EXD2: variants seen among roughly 807,000 people sequenced by gnomAD.
EXD2 encodes the protein exonuclease 3'-5' domain-containing protein 2.
EXD2 carries 40 observed loss-of-function variants against 62.5 expected under a neutral mutation model. The ratio of observed to expected loss-of-function variants is 0.64; its 90% CI spans 0.50 to 0.83. EXD2 has a LOEUF of 0.83. EXD2 is among the 40% of genes least tolerant of loss of function. The probability of loss-of-function intolerance (pLI) is 0.00; values close to 1 mark genes in which losing one functional copy is unlikely to be tolerated. For synonymous variants in EXD2, 239 were observed against 291.9 expected (o/e 0.82, Z 1.85); for missense variants, 671 against 761.8 (o/e 0.88, Z 1.40).
intron 4 of EXD2, among the ~76,000 whole-genome samples, chr14:69,230,180 C>T (rs1364430010): frequency 1.3e-5 from 2 of 152,172 alleles, no homozygotes; most frequent in South Asian, 2.1e-4. Context: ...CACTTGCCAG[C>T]TGTATGACCT....
chr14:69,228,578 G>A (rs1230194167), intron 3 of EXD2, among the ~76,000 whole-genome samples: 1 of 151,958 alleles, frequency 6.6e-6, no homozygotes, highest in Non-Finnish European at 1.5e-5. Context: ...GCTGTTTATG[G>A]ACTTATATTT....
chr14:69,228,767 C>T (rs762599946), intron 3 of EXD2, 49 bp from the exon 4 acceptor site: 11 of 1,565,560 alleles, frequency 7.0e-6, no homozygotes, highest in African/African-American at 2.7e-5. Context: ...ATGTTATGCT[C>T]GCTGCTGTGC....
chr14:69,235,754 T>A (rs1020847389), intron 6 of EXD2: 2 of 397,078 alleles, frequency 5.0e-6, no homozygotes, highest in Non-Finnish European at 9.3e-6. Context: ...TGCTTGGTTC[T>A]TTTTTGCATT....
At chr14:69,223,464 A>T (rs2043255719) in intron 3 of EXD2, among the ~76,000 whole-genome samples, 1 of 152,206 alleles carries the variant, frequency 6.6e-6, no homozygotes, top group African/African-American at 2.4e-5. Flanking sequence ...GCAGAAATAA[A>T]CAGACAGTAT....
intron 3 of EXD2, among the ~76,000 whole-genome samples, chr14:69,223,673 C>T (rs899888924): frequency 2.6e-5 from 4 of 152,134 alleles, no homozygotes; most frequent in African/African-American, 9.7e-5. Flanking sequence ...TCTCCTGAGG[C>T]AGGTGGAGAC....
intron 3 of EXD2, among the ~76,000 whole-genome samples, chr14:69,210,498 C>G (rs1566822796): frequency 6.6e-6 from 1 of 152,040 alleles, no homozygotes; most frequent in Non-Finnish European, 1.5e-5. Context: ...TTTTGGTTTC[C>G]CAGTGCATAT....
In EXD2 at chr14:69,237,840, AAGG is replaced by A. The variant is rs1315288019; in HGVS notation, c.1564_1566del (p.Glu522del). The stretch of plus-strand genomic sequence containing the variant: ...CGCGGAGAGCCTGCCTACTCAGCGA[AAGG>A]AGGAGCTGCTGCAAGCACTCAGAGA... On this transcript the variant is annotated inframe_deletion, in exon 9 of 10. Coordinates refer to ENST00000685843, the MANE Select transcript of EXD2 (RefSeq NM_001193360.2). The A allele has an allele frequency of 1.9e-6, 3 of 1,613,134 alleles. No individual in the cohort carries two copies. The highest frequency in any genetic ancestry group is 1.7e-6 in the Non-Finnish European group (2 of 1,179,774).
chr14:69,226,258 T>C (rs1329661202), intron 3 of EXD2, among the ~76,000 whole-genome samples: 1 of 152,224 alleles, frequency 6.6e-6, no homozygotes, highest in African/African-American at 2.4e-5. Flanking sequence ...ATTAGAGAAC[T>C]GGAACCCCAG....
rs144025537 is a variant in EXD2, at chr14:69,191,572, G to C, written c.-151G>C. On this transcript the variant is annotated 5_prime_UTR_variant, in exon 1 of 10. Coordinates refer to ENST00000685843, the MANE Select transcript of EXD2 (RefSeq NM_001193360.2). The stretch of plus-strand genomic sequence containing the variant: ...TAACGTGAGCCCGCTGCAGGTGTGC[G>C]GCCCAGTCCGAGACAGCAGGTAAGT... 6.6e-6 allele frequency: 1 copy of C among 152,534 alleles called. No individual in the cohort carries two copies. The highest frequency in any genetic ancestry group is 6.5e-5 in the Admixed American group (1 of 15,284). The allele number at this position is 152,534 out of a possible 1,614,324, so 9.4% of individuals were successfully genotyped here. A position where few individuals can be genotyped will look rare whatever the true frequency, so the allele number is the denominator to read the frequency against.
intron 5 of EXD2, among the ~76,000 whole-genome samples, chr14:69,231,881 A>G (rs911835664): frequency 1.4e-5 from 2 of 147,632 alleles, no homozygotes; most frequent in African/African-American, 5.0e-5. Context: ...CATTCATAAC[A>G]GTTTCTTGAG....
chr14:69,223,991 C>T (rs2043274501), intron 3 of EXD2: 1 of 152,348 alleles, frequency 6.6e-6, no homozygotes, highest in South Asian at 2.1e-4. Context: ...CGGGAACAGG[C>T]ATCTTACATG....
intron 5 of EXD2, among the ~76,000 whole-genome samples, chr14:69,231,751 A>G (rs2043587312): frequency 6.6e-6 from 1 of 151,460 alleles, no homozygotes; most frequent in South Asian, 2.1e-4. Context: ...CTGCTGCCCA[A>G]CTCTCATCCT....
At position 69,206,574 on chromosome 14, in the gene EXD2, G is replaced by A. The variant is rs561609033; in HGVS notation, c.-48+2574G>A. On this transcript the variant is annotated intron_variant, in intron 2 of 9. Coordinates refer to ENST00000685843, the MANE Select transcript of EXD2 (RefSeq NM_001193360.2). Reference sequence around the variant, plus strand: ...AGCTTCCTGTAGCCTTGACCTCCCCGGCTCAAGCTATCCTCCCACCTCAGG... The same window carrying A: ...AGCTTCCTGTAGCCTTGACCTCCCCAGCTCAAGCTATCCTCCCACCTCAGG... Among the ~76,000 whole-genome samples the A allele has an allele frequency of 1.4e-3, 212 of 147,840 alleles. 5 individuals are homozygous for A. The South Asian group carries it at 0.029, about 20-fold the overall frequency.
intron 1 of EXD2, among the ~76,000 whole-genome samples, chr14:69,196,903 C>T (rs1163491044): frequency 6.6e-6 from 1 of 152,058 alleles, no homozygotes; most frequent in Non-Finnish European, 1.5e-5. Context: ...TACAGGTGTG[C>T]ACCACCATAC....
intron 5 of EXD2, among the ~76,000 whole-genome samples, chr14:69,234,460 T>C (rs2043697768): frequency 6.6e-6 from 1 of 152,226 alleles, no homozygotes; most frequent in Non-Finnish European, 1.5e-5. Context: ...AGTAAGTCAT[T>C]ATTTTAGCTA....
intron 1 of EXD2, among the ~76,000 whole-genome samples, chr14:69,201,564 C>T (rs2042397960): frequency 6.6e-6 from 1 of 152,058 alleles, no homozygotes; most frequent in Non-Finnish European, 1.5e-5. Context: ...CAAGCTGTTC[C>T]CTCCACTTGC....
At position 69,220,253 on chromosome 14, in the gene EXD2, G is replaced by GTTTTTTTTTTTTT. The variant is rs869194045; in HGVS notation, c.334-8540_334-8528dup. ...CTCTCAGCAAGTGTTTTGTCTCTCT[G>GTTTTTTTTTTTTT]TTTTTTTTTTTTTTTTTTTTTTTTT... On this transcript the variant is annotated intron_variant, in intron 3 of 9. Transcript: ENST00000685843. Among the ~76,000 whole-genome samples, 21 of 35,114 alleles carry GTTTTTTTTTTTTT rather than the reference G, an allele frequency of 6.0e-4. 4 individuals are homozygous for GTTTTTTTTTTTTT. Among genetic ancestry groups the GTTTTTTTTTTTTT allele is most frequent in the Admixed American group, 9.5e-4 (2 of 2,098 alleles). The allele number at this position is 35,114 out of a possible 152,430, so 23.0% of individuals were successfully genotyped here. A position where few individuals can be genotyped will look rare whatever the true frequency, so the allele number is the denominator to read the frequency against.
chr14:69,230,518 A>G lies in EXD2; in HGVS notation c.637A>G (p.Thr213Ala). ...NGLSLKSLAE[T>A]VLNFPLDKSL... ...GCTTAGCCTGAAGTCCCTCGCTGAG[A>G]CTGTTTTGAACTTTCCCCTTGACAA... Residue 213 changes from threonine to alanine, a missense_variant, in exon 5 of 10, where the codon ACT (threonine) becomes GCT (alanine). By Grantham distance (58) the Thr-to-Ala change is moderately conservative. Coordinates refer to ENST00000685843, the MANE Select transcript of EXD2 (RefSeq NM_001193360.2). 1 of 1,613,784 alleles carries G rather than the reference A, an allele frequency of 6.2e-7. No homozygotes were observed. Among genetic ancestry groups the G allele is most frequent in the Non-Finnish European group, 8.5e-7 (1 of 1,179,872 alleles).
At chr14:69,226,002 T>A (rs1173932833) in intron 3 of EXD2, among the ~76,000 whole-genome samples, 1 of 152,224 alleles carries the variant, frequency 6.6e-6, no homozygotes. Flanking sequence ...TAATGTATTT[T>A]ATCTTTTCTT....
Sources: allele counts gnomAD v4.1 joint callset (sites outside exome capture counted in the v4.1 genomes callset), GRCh38; gene constraint gnomAD v4.1.1; transcripts MANE v1.5; gene names NCBI Gene and HGNC (gene_info 2026-07-23, HGNC 2026-07-21).